GLYATL2: variants seen among roughly 807,000 people sequenced by gnomAD.
The protein encoded by GLYATL2 is glycine-N-acyltransferase like 2.
A neutral mutation model predicts 21.4 loss-of-function variants in GLYATL2; 25 were observed. The ratio of observed to expected loss-of-function variants is 1.17; its 90% CI spans 0.85 to 1.63. GLYATL2 has a LOEUF of 1.63. Among genes scored for constraint, GLYATL2 ranks in the 40% most tolerant of loss-of-function variants. GLYATL2 has a pLI of 0.00. For synonymous variants in GLYATL2, 114 were observed against 118.2 expected (o/e 0.96, Z 0.23); for missense variants, 361 against 343.3 (o/e 1.05, Z -0.41).
rs147556757 is a variant in GLYATL2, at chr11:58,886,157, C to A, written n.60+17999G>T. Among the ~76,000 whole-genome samples, 1,475 of 152,226 alleles carry A rather than the reference C, an allele frequency of 9.7e-3. 27 individuals carry two copies. Among genetic ancestry groups the A allele is most frequent in the African/African-American group, 0.034 (1,393 of 41,518 alleles). ...CTTGAGCCCCAGGAGGTCGAGGTTG[C>A]ATTGAGCCAAGATCACACCACTGTA... On this transcript the variant is annotated intron_variant and non_coding_transcript_variant, in intron 1 of 4. Coordinates refer to the GLYATL2 transcript ENST00000533636.
At chr11:58,884,536 A>G (rs1854401622) in intron 1 of GLYATL2, among the ~76,000 whole-genome samples, 1 of 152,242 alleles carries the variant, frequency 6.6e-6, no homozygotes, top group Non-Finnish European at 1.5e-5. Context: ...TCTATTCTAG[A>G]TGAAAGAATA....
rs1853756472 is a variant in GLYATL2 at position 58,852,319 on chromosome 11, C to T, written n.61-13951G>A. Among the ~76,000 whole-genome samples, 6 of 152,198 alleles carry T rather than the reference C, an allele frequency of 3.9e-5. No homozygotes were observed. The South Asian group carries it at 1.2e-3, about 32-fold the overall frequency. On this transcript the variant is annotated intron_variant and non_coding_transcript_variant, in intron 1 of 4. Transcript: ENST00000533636. ...TTCAGGAAGAAGAATTTGCTATTAC[C>T]AGGAAAGTCTTTTAAAGCTGCTATG...
At chr11:58,875,908 C>T (rs608043) in intron 1 of GLYATL2, among the ~76,000 whole-genome samples, 131,622 of 152,168 alleles carry the variant, frequency 0.86, 58,291 homozygotes, top group Non-Finnish European at 0.96. Flanking sequence ...TCCATTCTCC[C>T]CGTCACTTTC....
At chr11:58,862,011 C>A (rs1853940081) in intron 1 of GLYATL2, among the ~76,000 whole-genome samples, 1 of 151,128 alleles carries the variant, frequency 6.6e-6, no homozygotes, top group South Asian at 2.1e-4. Context: ...TTTTGTTTGC[C>A]TGGCAAAGTT....
intron 1 of GLYATL2, chr11:58,885,487 G>T: frequency 2.0e-6 from 1 of 509,960 alleles, no homozygotes. Context: ...ACATGGAGGT[G>T]CTGGTGGACT....
intron 1 of GLYATL2, among the ~76,000 whole-genome samples, chr11:58,874,458 G>A (rs922664441): frequency 6.6e-6 from 1 of 152,096 alleles, no homozygotes; most frequent in Admixed American, 6.6e-5. Flanking sequence ...ACACTGCTTT[G>A]AATGTGTCCC....
intron 1 of GLYATL2, among the ~76,000 whole-genome samples, chr11:58,867,252 T>C (rs940402921): frequency 6.7e-6 from 1 of 149,170 alleles, no homozygotes. Flanking sequence ...TATAAATGTA[T>C]GCTTACAACA....
intron 1 of GLYATL2, among the ~76,000 whole-genome samples, chr11:58,900,328 G>A (rs1854714586): frequency 6.6e-6 from 1 of 152,152 alleles, no homozygotes; most frequent in Non-Finnish European, 1.5e-5. Context: ...CTGTCCTTGG[G>A]CAACTTAGTT....
chr11:58,884,941 C>A, intron 1 of GLYATL2: 1 of 157,312 alleles, frequency 6.4e-6, no homozygotes, highest in South Asian at 1.9e-4. Flanking sequence ...TGAAGCATCC[C>A]ACAAAATGAT....
intron 1 of GLYATL2, among the ~76,000 whole-genome samples, chr11:58,889,294 CAA>C (rs1361037674): frequency 4.6e-5 from 7 of 151,478 alleles, no homozygotes; most frequent in African/African-American, 7.3e-5. Context: ...TGTGTTTTTT[CAA>C]AGTCTCTTGG....
At chr11:58,852,180 C>T (rs1853753512) in intron 1 of GLYATL2, among the ~76,000 whole-genome samples, 1 of 152,204 alleles carries the variant, frequency 6.6e-6, no homozygotes, top group South Asian at 2.1e-4. Context: ...TAGGCTCACT[C>T]CTTCTAAACT....
intron 1 of GLYATL2, among the ~76,000 whole-genome samples, chr11:58,894,515 ATCTAGATTT>A (rs1854603397): frequency 1.4e-5 from 2 of 146,416 alleles, no homozygotes; most frequent in African/African-American, 2.5e-5. Context: ...CTTTCTGATA[ATCTAGATTT>A]AAAAAAACAA....
intron 1 of GLYATL2, among the ~76,000 whole-genome samples, chr11:58,857,748 T>C (rs1472277550): frequency 1.3e-5 from 2 of 152,054 alleles, no homozygotes; most frequent in African/African-American, 4.8e-5. Context: ...AATCTGTCTT[T>C]GTATTTGCAT....
At chr11:58,871,515 T>C (rs1304867414) in intron 1 of GLYATL2, among the ~76,000 whole-genome samples, 1 of 147,642 alleles carries the variant, frequency 6.8e-6, no homozygotes, top group African/African-American at 2.5e-5. Context: ...TTCCCACCTA[T>C]GAGTGAGAAC....
At chr11:58,886,702 T>G (rs934863733) in intron 1 of GLYATL2, among the ~76,000 whole-genome samples, 5 of 152,172 alleles carry the variant, frequency 3.3e-5, no homozygotes, top group African/African-American at 1.2e-4. Flanking sequence ...CTAGGTCTAT[T>G]TTTTTGTCCT....
intron 1 of GLYATL2, among the ~76,000 whole-genome samples, chr11:58,903,018 G>C (rs772250548): frequency 6.6e-6 from 1 of 152,198 alleles, no homozygotes; most frequent in Non-Finnish European, 1.5e-5. Flanking sequence ...TAGGTAGTTA[G>C]TTTCTCTGTG....
chr11:58,875,579 G>A (rs1854214099), intron 1 of GLYATL2, among the ~76,000 whole-genome samples: 1 of 152,118 alleles, frequency 6.6e-6, no homozygotes, highest in Admixed American at 6.5e-5. Context: ...GAAATTCTGG[G>A]TTGAAAATTA....
intron 1 of GLYATL2, among the ~76,000 whole-genome samples, chr11:58,857,051 G>T (rs1271818516): frequency 1.3e-5 from 2 of 152,204 alleles, no homozygotes; most frequent in African/African-American, 2.4e-5. Flanking sequence ...AGTAGGGATT[G>T]CTGGATCATA....
chr11:58,892,491 A>G (rs1854561633), intron 1 of GLYATL2: 1 of 167,938 alleles, frequency 6.0e-6, no homozygotes, highest in African/African-American at 2.4e-5. Context: ...ATTCACAGAA[A>G]CTCTGGGGGA....
Sources: allele counts gnomAD v4.1 joint callset (sites outside exome capture counted in the v4.1 genomes callset), GRCh38; gene constraint gnomAD v4.1.1; transcripts MANE v1.5; gene names NCBI Gene and HGNC (gene_info 2026-07-23, HGNC 2026-07-21).